The following RPL27A variants were observed in gnomAD, a reference collection of about 807,000 sequenced individuals.
RPL27A encodes ribosomal protein L27a.
For synonymous variants in RPL27A, 69 were observed against 68.3 expected, an observed-to-expected ratio of 1.01 and a Z score of -0.05; for missense variants, 118 against 189.4, an observed-to-expected ratio of 0.62 and a Z score of 2.21.
chr11:8,685,388 GTCT>G, intron 4 of RPL27A: 9 of 597,742 alleles, frequency 1.5e-5, no homozygotes, highest in South Asian at 9.7e-5. Flanking sequence ...GAAGGTGGTT[GTCT>G]TCTTTTGCTT....
At position 8,685,754 on chromosome 11, in the gene RPL27A, G is replaced by A. The variant is rs1461542984; in HGVS notation, c.395G>A (p.Arg132Lys). Residue 132 changes from arginine (R) to lysine (K), a missense_variant, in exon 5 of 5, where the codon AGA (arginine) becomes AAA (lysine). Physicochemically the swap from Arg to Lys is conservative, Grantham distance 26 (BLOSUM62 2). Transcript: ENST00000314138. ...GTGAAGGCCAAATTCTTCAGCAGAA[G>A]AGCTGAGGAGAAGATTAAGAGTGTT... Reference protein sequence around the residue: ...VIVKAKFFSRRAEEKIKSVGG... With the variant: ...VIVKAKFFSRKAEEKIKSVGG... 2 of 1,613,906 alleles carry A rather than the reference G, an allele frequency of 1.2e-6. No individual in the cohort carries two copies. Among genetic ancestry groups the A allele is most frequent in the East Asian group, 2.2e-5 (1 of 44,888 alleles).
intron 4 of RPL27A, 61 bp from the exon 5 acceptor site, chr11:8,685,617 G>A (rs747189542): frequency 1.0e-5 from 16 of 1,585,198 alleles, no homozygotes; most frequent in South Asian, 1.0e-4. Context: ...CTTTCCTCAC[G>A]CCCATCACGC....
At position 8,689,047 on chromosome 11, in the gene RPL27A, G is replaced by A. The variant is rs1307506738; in HGVS notation, c.*3241G>A. 1 of 152,290 alleles carries A rather than the reference G, an allele frequency of 6.6e-6. No homozygotes were observed. The highest frequency in any genetic ancestry group is 6.5e-5 in the Admixed American group (1 of 15,290). The allele number at this position is 152,290 out of a possible 1,614,324, so 9.4% of individuals were successfully genotyped here. ...CCCAGACCGGAAGAAGCCCGGCGGA[G>A]ACCGGCCTCGCTCGGCCACTTCCGG... On this transcript the variant is annotated 3_prime_UTR_variant, in exon 5 of 5. Coordinates refer to ENST00000314138, the MANE Select transcript of RPL27A (RefSeq NM_000990.5).
chr11:8,687,470 C>T lies in RPL27A; in HGVS notation c.*1664C>T, dbSNP rs2039598029. On this transcript the variant is annotated 3_prime_UTR_variant, in exon 5 of 5. Transcript: ENST00000314138. ...ATATGGAACCTGAATCCAAGGATCC[C>T]ACAATAAGTGGTCAGTAGTTCATGA... is the stretch of plus-strand genomic sequence containing the variant. The T allele has an allele frequency of 6.7e-6, 1 of 148,186 alleles. No individual in the cohort carries two copies. The highest frequency in any genetic ancestry group is 7.1e-5 in the Admixed American group (1 of 14,168). 9.2% of individuals were successfully genotyped at this position (148,186 alleles called of 1,614,324 possible).
rs2039581100 is a variant in RPL27A, at chr11:8,685,726, A to G, written c.367A>G (p.Ile123Val). 2 of 1,614,060 alleles carry G rather than the reference A, an allele frequency of 1.2e-6. No homozygotes were observed. Among genetic ancestry groups the G allele is most frequent in the Non-Finnish European group, 1.7e-6 (2 of 1,179,990 alleles). ...GGGAAAGCTCCCAAAGCAGCCTGTC[A>G]TCGTGAAGGCCAAATTCTTCAGCAG... ...GKGKLPKQPV[I>V]VKAKFFSRRA... Residue 123 changes from isoleucine (I) to valine (V), a missense_variant, in exon 5 of 5, where the codon ATC becomes GTC. Coordinates refer to ENST00000314138, the MANE Select transcript of RPL27A (RefSeq NM_000990.5).
At chr11:8,683,710 C>G in intron 2 of RPL27A, 4 of 496,022 alleles carry the variant, frequency 8.1e-6, no homozygotes, top group Non-Finnish European at 1.5e-5. Flanking sequence ...TGAGACTGAT[C>G]ACTGTCGCCC....
intron 1 of RPL27A, 47 bp downstream of exon 1, chr11:8,682,863 C>A (rs777142149): frequency 2.5e-6 from 4 of 1,595,904 alleles, no homozygotes; most frequent in South Asian, 2.3e-5. Context: ...GCGGAGACCC[C>A]TAAGCTGTAT....
chr11:8,686,922 G>T lies in RPL27A; in HGVS notation c.*1116G>T, dbSNP rs1483573979. ...CTATAGACAAATAAGATGGCACTTA[G>T]ACTCCTGGGTTTTAGTTAGTGGAGG... On this transcript the variant is annotated 3_prime_UTR_variant, in exon 5 of 5. Transcript: ENST00000314138. 3 of 152,164 alleles carry T rather than the reference G, an allele frequency of 2.0e-5. No individual in the cohort carries two copies. The highest frequency in any genetic ancestry group is 4.4e-5 in the Non-Finnish European group (3 of 68,038). The allele number at this position is 152,164 out of a possible 1,614,324, so 9.4% of individuals were successfully genotyped here. A position where few individuals can be genotyped will look rare whatever the true frequency, so the allele number is the denominator to read the frequency against.
intron 1 of RPL27A, 142 bp from the exon 2 acceptor site, chr11:8,683,060 G>A: frequency 1.0e-6 from 1 of 952,700 alleles, no homozygotes. Flanking sequence ...TCACGGCCCT[G>A]AGCGGATCGG....
chr11:8,684,919 C>G (rs2039571306), intron 4 of RPL27A, 27 bp downstream of exon 4: 3 of 1,606,320 alleles, frequency 1.9e-6, no homozygotes, highest in East Asian at 4.5e-5. Flanking sequence ...TTTTTCTGTA[C>G]TTCCATACCT....
intron 4 of RPL27A, chr11:8,685,378 G>A (rs901388975): frequency 6.5e-5 from 38 of 588,188 alleles, no homozygotes; most frequent in Non-Finnish European, 8.5e-5. Flanking sequence ...TGGTGGTCAG[G>A]AAGGTGGTTG....
In RPL27A at chr11:8,686,005, A is replaced by T. The variant is rs879239673; in HGVS notation, c.*199A>T. On this transcript the variant is annotated 3_prime_UTR_variant, in exon 5 of 5. Coordinates refer to ENST00000314138, the MANE Select transcript of RPL27A (RefSeq NM_000990.5). Reference sequence around the variant, plus strand: ...AGACCAACACAGACGTTGGCCAGTTAAACATTTCTGTTTATAAAGTCAGAA... The same window carrying T: ...AGACCAACACAGACGTTGGCCAGTTTAACATTTCTGTTTATAAAGTCAGAA... The T allele has an allele frequency of 5.7e-5, 32 of 563,816 alleles. No individual in the cohort carries two copies. In the East Asian group the frequency reaches 8.9e-4, roughly 16 times the overall value. The allele number at this position is 563,816 out of a possible 1,614,324, so 34.9% of individuals were successfully genotyped here.
chr11:8,684,476 G>A (rs144488623), intron 3 of RPL27A: 19 of 685,050 alleles, frequency 2.8e-5, no homozygotes, highest in African/African-American at 3.5e-5. Context: ...TTTTAGTCTC[G>A]GCCCTGCCTC....
intron 1 of RPL27A, 43 bp downstream of exon 1, chr11:8,682,859 AC>A (rs536599641): frequency 1.6e-5 from 25 of 1,596,728 alleles, no homozygotes; most frequent in Non-Finnish European, 1.3e-5. Context: ...GCCGGCGGAG[AC>A]CCCTAAGCTG....
Position 8,685,668 on chromosome 11 carries a change from G to T in RPL27A, c.319-10G>T, listed in dbSNP as rs572703962. 14 of 1,613,990 alleles carry T rather than the reference G, an allele frequency of 8.7e-6. No homozygotes were observed. In the South Asian group the frequency reaches 1.4e-4, roughly 16 times the overall value. On this transcript the variant is annotated splice_polypyrimidine_tract_variant and intron_variant, in intron 4 of 4. Transcript: ENST00000314138. ...CAGTGTATTGTAAACTTTTTTCTCT[G>T]TTCTTCTAGGGCTACTACAAAGTTC...
chr11:8,683,838 C>T (rs1182001462), intron 2 of RPL27A, 168 bp from the exon 3 acceptor site: 19 of 645,006 alleles, frequency 2.9e-5, no homozygotes, highest in Middle Eastern at 3.6e-4. Context: ...CCACGACGCC[C>T]GGCTAATTCT....
In RPL27A at chr11:8,687,055, C is replaced by T. The variant is rs777665128; in HGVS notation, c.*1249C>T. The stretch of plus-strand genomic sequence containing the variant: ...GATGTTGGGGATCAAATAGAAGGCA[C>T]AGAGAAGCACTGAATTGGCTTACAT... On this transcript the variant is annotated 3_prime_UTR_variant, in exon 5 of 5. Coordinates refer to ENST00000314138, the MANE Select transcript of RPL27A (RefSeq NM_000990.5). The T allele has an allele frequency of 6.6e-6, 1 of 152,170 alleles. No individual in the cohort carries two copies. Among genetic ancestry groups the T allele is most frequent in the South Asian group, 2.1e-4 (1 of 4,834 alleles). The allele number at this position is 152,170 out of a possible 1,614,324, so 9.4% of individuals were successfully genotyped here. A position where few individuals can be genotyped will look rare whatever the true frequency, so the allele number is the denominator to read the frequency against.
At position 8,685,907 on chromosome 11, in the gene RPL27A, C is replaced by T. The variant is rs2039583068; in HGVS notation, c.*101C>T. The T allele has an allele frequency of 1.7e-6, 2 of 1,190,716 alleles. No homozygotes were observed. The highest frequency in any genetic ancestry group is 1.2e-6 in the Non-Finnish European group (1 of 835,834). 73.8% of individuals were successfully genotyped at this position (1,190,716 alleles called of 1,614,324 possible). A position where few individuals can be genotyped will look rare whatever the true frequency, so the allele number is the denominator to read the frequency against. On this transcript the variant is annotated 3_prime_UTR_variant, in exon 5 of 5. Coordinates refer to ENST00000314138, the MANE Select transcript of RPL27A (RefSeq NM_000990.5). ...CTCTACATCCTGTGTGCATTGGGAG[C>T]CCAGGTTCTAGTACTTAGGGTATGA...
In RPL27A at chr11:8,685,957, C is replaced by A; in HGVS notation, c.*151C>A. 1 of 659,400 alleles carries A rather than the reference C, an allele frequency of 1.5e-6. No individual in the cohort carries two copies. The highest frequency in any genetic ancestry group is 2.6e-6 in the Non-Finnish European group (1 of 387,814). The allele number at this position is 659,400 out of a possible 1,614,324, so 40.8% of individuals were successfully genotyped here. ...AAGACATGGGGTCCTCTCCTGACTT[C>A]CCTCAAATATATGGTAAACGTAAGA... On this transcript the variant is annotated 3_prime_UTR_variant, in exon 5 of 5. Coordinates refer to ENST00000314138, the MANE Select transcript of RPL27A (RefSeq NM_000990.5).
Sources: allele counts gnomAD v4.1 joint callset, GRCh38; gene constraint gnomAD v4.1.1; transcripts MANE v1.5; gene names NCBI Gene and HGNC (gene_info 2026-07-23, HGNC 2026-07-21).